Variants in TP63 observed in about 807,000 individuals in gnomAD.
TP63 encodes tumor protein 63.
Under a neutral mutation model 82.8 loss-of-function variants are expected in TP63, and 17 were observed. The observed-to-expected ratio is 0.21, with a 90% CI of 0.14 to 0.31. The LOEUF (loss-of-function observed/expected upper bound fraction) is 0.31, where lower values mean the gene tolerates loss of function less well. Ranked by LOEUF, TP63 falls within the 10% of genes least tolerant of loss-of-function variation. TP63 has a pLI of 1.00. For synonymous variants in TP63, 330 were observed against 321.7 expected (o/e 1.03, Z -0.28); for missense variants, 648 against 895.3 (o/e 0.72, Z 3.52).
intron 3 of TP63, among the ~76,000 whole-genome samples, chr3:189,741,474 C>T (rs1204643992): frequency 6.6e-6 from 1 of 152,070 alleles, no homozygotes; most frequent in Non-Finnish European, 1.5e-5. Flanking sequence ...TTTCCCATTA[C>T]TTGGTAGCAT....
At chr3:189,673,612 CA>C (rs1451406786) in intron 1 of TP63, among the ~76,000 whole-genome samples, 1 of 151,880 alleles carries the variant, frequency 6.6e-6, no homozygotes, top group Admixed American at 6.6e-5. Context: ...AAAATAACAC[CA>C]CAAAACAGGA....
intron 4 of TP63, among the ~76,000 whole-genome samples, chr3:189,823,014 A>G (rs190392775): frequency 6.6e-6 from 1 of 152,308 alleles, no homozygotes; most frequent in Non-Finnish European, 1.5e-5. Context: ...CAGCCTCTGA[A>G]GTTCCCCTTG....
At chr3:189,723,249 A>G (rs1354221716) in intron 1 of TP63, among the ~76,000 whole-genome samples, 1 of 152,206 alleles carries the variant, frequency 6.6e-6, no homozygotes, top group Non-Finnish European at 1.5e-5. Context: ...GAGGTTGCAT[A>G]GCTCGCCCAA....
At chr3:189,762,414 G>GA (rs1402089689) in intron 3 of TP63, among the ~76,000 whole-genome samples, 1 of 151,986 alleles carries the variant, frequency 6.6e-6, no homozygotes, top group Non-Finnish European at 1.5e-5. Context: ...GGGCAAGAGA[G>GA]AAAAAAGGTC....
At chr3:189,794,725 G>A (rs1352802427) in intron 3 of TP63, among the ~76,000 whole-genome samples, 2 of 152,024 alleles carry the variant, frequency 1.3e-5, no homozygotes, top group Non-Finnish European at 2.9e-5. Context: ...ATTTCGAACA[G>A]AAGAATGGTG....
chr3:189,749,344 AT>A (rs1401370539), intron 3 of TP63, among the ~76,000 whole-genome samples: 3 of 152,212 alleles, frequency 2.0e-5, no homozygotes, highest in South Asian at 2.1e-4. Flanking sequence ...CAGTAAAAAA[AT>A]AAATAATCCC....
At chr3:189,731,724 A>G (rs560641858) in intron 1 of TP63, among the ~76,000 whole-genome samples, 25 of 152,354 alleles carry the variant, frequency 1.6e-4, no homozygotes, top group African/African-American at 5.8e-4. Context: ...AGTTAATCCA[A>G]GAAAAACAAC....
At chr3:189,709,008 T>C (rs1454561310) in intron 1 of TP63, among the ~76,000 whole-genome samples, 1 of 152,200 alleles carries the variant, frequency 6.6e-6, no homozygotes, top group Non-Finnish European at 1.5e-5. Flanking sequence ...TTTACTGTGG[T>C]ATATCTCAGT....
At chr3:189,630,508 A>T (rs1729417438), upstream of TP63, among the ~76,000 whole-genome samples, 1 of 152,160 alleles carries the variant, frequency 6.6e-6, no homozygotes, top group Admixed American at 6.6e-5. Context: ...TCAAAGCAAA[A>T]CCAAAAACAG....
intron 3 of TP63, among the ~76,000 whole-genome samples, chr3:189,800,785 C>T (rs966943828): frequency 6.6e-6 from 1 of 152,140 alleles, no homozygotes; most frequent in East Asian, 1.9e-4. Context: ...AGCACTTGAA[C>T]ACTCTAAGAC....
chr3:189,803,953 T>C (rs1370957573), intron 3 of TP63, among the ~76,000 whole-genome samples: 1 of 152,204 alleles, frequency 6.6e-6, no homozygotes, highest in East Asian at 1.9e-4. Context: ...ATTATTTGGG[T>C]GTCTGCAGGG....
At chr3:189,753,067 G>A (rs1353408293) in intron 3 of TP63, among the ~76,000 whole-genome samples, 1 of 152,020 alleles carries the variant, frequency 6.6e-6, no homozygotes, top group Non-Finnish European at 1.5e-5. Context: ...TCATGATATT[G>A]TTTATCTTGA....
At chr3:189,786,446 A>AACACACACACACACAC (rs59747587) in intron 3 of TP63, among the ~76,000 whole-genome samples, 57 of 147,106 alleles carry the variant, frequency 3.9e-4, no homozygotes, top group African/African-American at 1.4e-3. Flanking sequence ...GACATACCTA[A>AACACACACACACACAC]ACACACACAC....
chr3:189,694,618 A>G (rs775929047), intron 1 of TP63, among the ~76,000 whole-genome samples: 7 of 151,800 alleles, frequency 4.6e-5, no homozygotes, highest in Non-Finnish European at 1.0e-4. Context: ...GTAAAGTGCC[A>G]TTTTCAACAC....
intron 3 of TP63, among the ~76,000 whole-genome samples, chr3:189,763,346 C>A (rs891977055): frequency 6.6e-6 from 1 of 152,158 alleles, no homozygotes; most frequent in African/African-American, 2.4e-5. Flanking sequence ...ATACCAAACT[C>A]TATCTGAATA....
chr3:189,743,713 A>T (rs920624785), intron 3 of TP63, among the ~76,000 whole-genome samples: 7 of 152,234 alleles, frequency 4.6e-5, no homozygotes, highest in African/African-American at 1.7e-4. Context: ...CACATTTTGA[A>T]TAGATTATCT....
chr3:189,880,430 A>G, intron 10 of TP63: 2 of 1,088,990 alleles, frequency 1.8e-6, no homozygotes, highest in Non-Finnish European at 2.2e-6. Context: ...TGGGTGAGGA[A>G]CCACTGTGTT....
intron 1 of TP63, among the ~76,000 whole-genome samples, chr3:189,633,566 C>T (rs912973304): frequency 3.3e-5 from 5 of 152,034 alleles, no homozygotes; most frequent in African/African-American, 9.7e-5. Flanking sequence ...TGATCTCATT[C>T]TTTTTTATGG....
At chr3:189,810,859 C>CAA (rs11474103) in intron 4 of TP63, among the ~76,000 whole-genome samples, 3,945 of 120,186 alleles carry the variant, frequency 0.033, 141 homozygotes, top group Admixed American at 0.1. Context: ...AGTCCGTCTC[C>CAA]AAAAAAAAAA....
Sources: allele counts gnomAD v4.1 joint callset (sites outside exome capture counted in the v4.1 genomes callset), GRCh38; gene constraint gnomAD v4.1.1; transcripts MANE v1.5; gene names NCBI Gene and HGNC (gene_info 2026-07-23, HGNC 2026-07-21).